The following RTN4 variants were observed in gnomAD, a reference collection of about 807,000 sequenced individuals.
The protein encoded by RTN4 is reticulon-4.
A neutral mutation model predicts 90.4 loss-of-function variants in RTN4; 32 were observed. The ratio of observed to expected loss-of-function variants is 0.35; its 90% CI spans 0.27 to 0.48. RTN4 has a LOEUF of 0.48. RTN4 is among the 20% of genes least tolerant of loss of function. The pLI is 0.99. For synonymous variants in RTN4, 629 were observed against 552.5 expected, an observed-to-expected ratio of 1.14 and a Z score of -1.94; for missense variants, 1,706 against 1,430.2, an observed-to-expected ratio of 1.19 and a Z score of -3.11.
chr2:55,039,514 C>T (rs1037051472), intron 1 of RTN4, among the ~76,000 whole-genome samples: 1 of 152,164 alleles, frequency 6.6e-6, no homozygotes, highest in South Asian at 2.1e-4. Flanking sequence ...TGAGGCCAGG[C>T]GCGCTCGCTC....
At chr2:54,986,307 T>C (rs1385732732) in intron 4 of RTN4, among the ~76,000 whole-genome samples, 1 of 152,184 alleles carries the variant, frequency 6.6e-6, no homozygotes. Context: ...TAGTAACAAA[T>C]GGAGTCCAAT....
chr2:55,028,009 C>T (rs928846410), intron 2 of RTN4, among the ~76,000 whole-genome samples, 155 bp downstream of exon 2: 1 of 152,108 alleles, frequency 6.6e-6, no homozygotes, highest in African/African-American at 2.4e-5. Context: ...TTGGGCATAC[C>T]ATATAAAATG....
At chr2:55,095,668 A>C (rs563252079) in intron 1 of RTN4, among the ~76,000 whole-genome samples, 9 of 152,140 alleles carry the variant, frequency 5.9e-5, no homozygotes, top group Admixed American at 2.0e-4. Flanking sequence ...TCCCCTAAAT[A>C]GCTGGGACTA....
At chr2:55,128,924 C>G in the RTN4 span, among the ~76,000 whole-genome samples, 3 of 151,284 alleles carry the variant, frequency 2.0e-5, no homozygotes, top group Admixed American at 1.3e-4. Context: ...CTGACCAACA[C>G]GGTGAAACCC....
Position 55,050,416 on chromosome 2 carries a change from C to T in RTN4, c.-116G>A, listed in dbSNP as rs1297709642. 1 of 535,958 alleles carries T rather than the reference C, an allele frequency of 1.9e-6. No homozygotes were observed. The highest frequency in any genetic ancestry group is 3.0e-6 in the Non-Finnish European group (1 of 330,902). The allele number at this position is 535,958 out of a possible 1,614,324, so 33.2% of individuals were successfully genotyped here. A position where few individuals can be genotyped will look rare whatever the true frequency, so the allele number is the denominator to read the frequency against. On this transcript the variant is annotated 5_prime_UTR_variant, in exon 1 of 9. Coordinates refer to ENST00000337526, the MANE Select transcript of RTN4 (RefSeq NM_020532.5). The surrounding 1 kb of genome is among the most constrained non-coding windows in gnomAD (Gnocchi z 4.6). ...CTGAGAGGGGCTGGGCCGACTGAGC[C>T]GAGGGACCTACTGTGGTGACGGCTC...
At chr2:55,137,409 A>G in the RTN4 span, among the ~76,000 whole-genome samples, 3 of 152,182 alleles carry the variant, frequency 2.0e-5, no homozygotes, top group South Asian at 2.1e-4. Context: ...ACCACACTTT[A>G]GGAGAACATA....
At chr2:54,980,219 T>C (rs1678006727) in intron 5 of RTN4, among the ~76,000 whole-genome samples, 1 of 152,218 alleles carries the variant, frequency 6.6e-6, no homozygotes, top group Non-Finnish European at 1.5e-5. Flanking sequence ...AAAGAAATTA[T>C]TTCTCAAAAC....
chr2:54,986,089 G>A (rs976409807), intron 4 of RTN4, among the ~76,000 whole-genome samples: 1 of 152,276 alleles, frequency 6.6e-6, no homozygotes, highest in East Asian at 1.9e-4. Context: ...GGCAGCTAAG[G>A]AAGGCAGCAT....
In RTN4 at chr2:55,094,714, C is replaced by G. The variant is rs529498739; in HGVS notation, c.-213-14075G>C. On this transcript the variant is annotated intron_variant, in intron 1 of 3. Transcript: ENST00000427710. ...ATTTGAGATGAATGACAAGGAAGAG[C>G]TGACTAGGAGACAATCTGGTGGAAA... 1.5e-3 allele frequency among the ~76,000 whole-genome samples: 224 copies of G among 152,176 alleles called. No individual in the cohort carries two copies. The Middle Eastern group carries it at 0.041, about 28-fold the overall frequency.
intron 5 of RTN4, among the ~76,000 whole-genome samples, chr2:54,976,489 T>TA (rs1350917717): frequency 4.6e-5 from 7 of 152,202 alleles, no homozygotes; most frequent in East Asian, 3.8e-4. Context: ...AAGGGGCACT[T>TA]ACAACCCTGC....
chr2:55,079,975 C>A (rs1175438161), intron 2 of RTN4, among the ~76,000 whole-genome samples: 7 of 152,188 alleles, frequency 4.6e-5, no homozygotes, highest in African/African-American at 1.7e-4. Context: ...ATACTATGAC[C>A]TATCTGGTGC....
rs533536688 is a variant in RTN4 at position 55,049,057 on chromosome 2, C to G, written c.556+688G>C. On this transcript the variant is annotated intron_variant, in intron 1 of 8. Transcript: ENST00000337526. Reference sequence around the variant, plus strand: ...GCAGTCCACATCACACCCCGGGGAGCTGGGCGGTGGCAGGACTTTACCAGA... The same window carrying G: ...GCAGTCCACATCACACCCCGGGGAGGTGGGCGGTGGCAGGACTTTACCAGA... 5 of 971,674 alleles carry G rather than the reference C, an allele frequency of 5.1e-6. No individual in the cohort carries two copies. The South Asian group carries it at 1.9e-4, about 37-fold the overall frequency. The allele number at this position is 971,674 out of a possible 1,614,324, so 60.2% of individuals were successfully genotyped here.
intron 3 of RTN4, among the ~76,000 whole-genome samples, chr2:55,023,793 ACAC>A (rs1365499881): frequency 1.3e-5 from 2 of 152,160 alleles, no homozygotes; most frequent in South Asian, 4.1e-4. Context: ...ATGCCCATGC[ACAC>A]CACACCATTT....
intron 2 of RTN4, among the ~76,000 whole-genome samples, chr2:55,067,146 G>T (rs1210646055): frequency 6.6e-6 from 1 of 152,038 alleles, no homozygotes; most frequent in East Asian, 1.9e-4. Flanking sequence ...GAAAATCTAG[G>T]GTTAATGTCC....
chr2:55,040,977 C>T (rs1323997839), intron 1 of RTN4, among the ~76,000 whole-genome samples: 1 of 141,572 alleles, frequency 7.1e-6, no homozygotes, highest in Non-Finnish European at 1.5e-5. Flanking sequence ...AAGTAGAGGG[C>T]CACCTATGTA....
At chr2:55,036,067 C>A (rs1354723269) in intron 1 of RTN4, among the ~76,000 whole-genome samples, 12 of 152,076 alleles carry the variant, frequency 7.9e-5, no homozygotes, top group Admixed American at 7.9e-4. Flanking sequence ...ACTCTTTGAG[C>A]ATATAAAGGA....
chr2:55,124,924 T>C, the RTN4 span, among the ~76,000 whole-genome samples: 6 of 152,146 alleles, frequency 3.9e-5, no homozygotes, highest in Non-Finnish European at 5.9e-5. Flanking sequence ...TCTATGATCA[T>C]CTGATCTTCA....
chr2:55,137,712 C>T, the RTN4 span, among the ~76,000 whole-genome samples: 1 of 152,116 alleles, frequency 6.6e-6, no homozygotes, highest in Non-Finnish European at 1.5e-5. Flanking sequence ...GCTCAGTCTC[C>T]CCCATGGCGC....
intron 1 of RTN4, among the ~76,000 whole-genome samples, chr2:55,084,277 C>A (rs937319660): frequency 3.3e-5 from 5 of 150,826 alleles, no homozygotes; most frequent in African/African-American, 1.2e-4. Flanking sequence ...TTTCATCTGG[C>A]TGTTCCTGAG....
Sources: gnomAD v4.1 joint callset for allele counts (sites outside exome capture counted in the v4.1 genomes callset) on GRCh38, gnomAD v4.1.1 for gene constraint, Gnocchi (gnomAD v3.1) non-coding constraint, MANE v1.5 for transcripts, NCBI Gene and HGNC (gene_info 2026-07-23, HGNC 2026-07-21) for gene names.